Variants in TNS3 observed in about 807,000 individuals in gnomAD.
TNS3 encodes tensin 3, also known as tensin-3.
A neutral mutation model predicts 140.9 loss-of-function variants in TNS3; 45 were observed. The ratio of observed to expected loss-of-function variants is 0.32; its 90% CI spans 0.25 to 0.41. The LOEUF (loss-of-function observed/expected upper bound fraction) is 0.41, where lower values mean the gene tolerates loss of function less well. TNS3 is among the 10% of genes least tolerant of loss of function. TNS3 has a pLI of 1.00. For synonymous variants in TNS3, 815 were observed against 788.4 expected, an observed-to-expected ratio of 1.03 and a Z score of -0.56; for missense variants, 1,716 against 1,906.7, an observed-to-expected ratio of 0.90 and a Z score of 1.86.
At chr7:47,550,554 G>A (rs1189053577) in intron 1 of TNS3, among the ~76,000 whole-genome samples, 1 of 152,172 alleles carries the variant, frequency 6.6e-6, no homozygotes, top group Non-Finnish European at 1.5e-5. Context: ...ATTTGCAGCA[G>A]GGTCTCAATG....
chr7:47,413,797 G>T, intron 12 of TNS3, 140 bp downstream of exon 12: 2 of 1,025,258 alleles, frequency 2.0e-6, no homozygotes, highest in Admixed American at 2.3e-5. Context: ...TTTCCCCACT[G>T]GACTCTTCTT....
At chr7:47,281,369 A>C (rs998341930) in intron 28 of TNS3, among the ~76,000 whole-genome samples, 16 of 151,704 alleles carry the variant, frequency 1.1e-4, no homozygotes, top group Admixed American at 1.0e-3. Context: ...CCAACTCAAC[A>C]CTCTGCTGTG....
intron 6 of TNS3, among the ~76,000 whole-genome samples, chr7:47,438,850 G>C (rs1270704678): frequency 6.6e-6 from 1 of 152,178 alleles, no homozygotes; most frequent in Non-Finnish European, 1.5e-5. Context: ...CAGGTAGAGA[G>C]AGGGTGCCAG....
At chr7:47,480,079 G>A (rs775167524) in intron 4 of TNS3, among the ~76,000 whole-genome samples, 1 of 152,198 alleles carries the variant, frequency 6.6e-6, no homozygotes, top group African/African-American at 2.4e-5. Flanking sequence ...GCCGCTGGCC[G>A]AGCCTGGGGA....
chr7:47,446,401 G>A (rs1795733682), intron 4 of TNS3, among the ~76,000 whole-genome samples: 1 of 152,188 alleles, frequency 6.6e-6, no homozygotes, highest in African/African-American at 2.4e-5. Context: ...TATCGCCAAT[G>A]TCAATCAAAT....
At chr7:47,389,104 G>GGAAGAA (rs1792327151) in intron 16 of TNS3, among the ~76,000 whole-genome samples, 1 of 29,980 alleles carries the variant, frequency 3.3e-5, no homozygotes, top group East Asian at 1.7e-3. Flanking sequence ...AAGAGGAAGC[G>GGAAGAA]GAAGCAGAAG....
intron 20 of TNS3, among the ~76,000 whole-genome samples, chr7:47,312,188 G>A (rs1044795985): frequency 9.2e-5 from 14 of 152,330 alleles, no homozygotes; most frequent in African/African-American, 3.4e-4. Flanking sequence ...CCATAGAGCA[G>A]ATGCAGTTGT....
Position 47,503,496 on chromosome 7 carries a change from A to C in TNS3, c.-115+3411T>G, listed in dbSNP as rs1032430090. Among the ~76,000 whole-genome samples, 3 of 152,120 alleles carry C rather than the reference A, an allele frequency of 2.0e-5. No homozygotes were observed. The East Asian group carries it at 5.8e-4, about 29-fold the overall frequency. On this transcript the variant is annotated intron_variant, in intron 3 of 30. Transcript: ENST00000311160. ...GCAAGTCATGATGCCCACACAGCTC[A>C]TGTGGCTCACATGAATAAGCACTGC...
chr7:47,567,880 G>A (rs11763932), intron 1 of TNS3, among the ~76,000 whole-genome samples: 86,986 of 151,890 alleles, frequency 0.57, 25,698 homozygotes, highest in Non-Finnish European at 0.65. Flanking sequence ...TACATCCCTC[G>A]TAGGTAACAT....
intron 17 of TNS3, among the ~76,000 whole-genome samples, chr7:47,349,766 C>G (rs984871098): frequency 6.6e-6 from 1 of 152,204 alleles, no homozygotes; most frequent in Non-Finnish European, 1.5e-5. Context: ...GTTTAAGATA[C>G]TGCAAAACCA....
chr7:47,528,080 C>T (rs1277834179), intron 2 of TNS3, among the ~76,000 whole-genome samples: 2 of 152,146 alleles, frequency 1.3e-5, no homozygotes, highest in Non-Finnish European at 2.9e-5. Flanking sequence ...ACTCATCCAA[C>T]ACATTCTTCA....
Position 47,302,952 on chromosome 7 carries a change from G to C in TNS3, c.3455C>G (p.Pro1152Arg), listed in dbSNP as rs1310499192. ...CAACCAGCTGGAAACACACCTACCT[G>C]GCAGAGGTGAGGCCGCTTCTGAAGC... Reference protein sequence around the residue: ...SKASEAASPLPDSPGDKLVIV... With the variant: ...SKASEAASPLRDSPGDKLVIV... The change falls in exon 22 of 31, where the codon CCA becomes CGA. Residue 1152 changes from proline to arginine, a missense_variant and splice_region_variant. By Grantham distance (103) the Pro-to-Arg change is moderately radical. Transcript: ENST00000311160. The C allele has an allele frequency of 6.3e-7, 1 of 1,598,568 alleles. No homozygotes were observed. Among genetic ancestry groups the C allele is most frequent in the East Asian group, 2.2e-5 (1 of 44,634 alleles).
intron 4 of TNS3, among the ~76,000 whole-genome samples, chr7:47,452,170 T>G (rs560754416): frequency 6.6e-6 from 1 of 152,220 alleles, no homozygotes; most frequent in Non-Finnish European, 1.5e-5. Flanking sequence ...GCCCTGGAAA[T>G]GCACTTTATC....
At chr7:47,290,691 G>C (rs866497501) in intron 27 of TNS3, among the ~76,000 whole-genome samples, 1 of 152,328 alleles carries the variant, frequency 6.6e-6, no homozygotes, top group South Asian at 2.1e-4. Context: ...ACCAAATTCT[G>C]GAGAGGATGT....
intron 2 of TNS3, among the ~76,000 whole-genome samples, chr7:47,510,275 CAGA>C (rs966842836): frequency 6.6e-6 from 1 of 152,146 alleles, no homozygotes; most frequent in African/African-American, 2.4e-5. Context: ...GGCTGCAAAA[CAGA>C]AGAAGAACTT....
At chr7:47,391,803 C>G (rs1792534219) in intron 16 of TNS3, among the ~76,000 whole-genome samples, 1 of 152,168 alleles carries the variant, frequency 6.6e-6, no homozygotes, top group African/African-American at 2.4e-5. Flanking sequence ...GAAATCCCCC[C>G]ACCCACAGCC....
intron 2 of TNS3, among the ~76,000 whole-genome samples, chr7:47,507,782 T>A (rs1397553256): frequency 1.3e-5 from 2 of 152,110 alleles, no homozygotes; most frequent in Non-Finnish European, 1.5e-5. Context: ...CAACACAGCC[T>A]CCTGTGCCAG....
chr7:47,368,056 G>C (rs904664365), intron 17 of TNS3, among the ~76,000 whole-genome samples: 1 of 152,176 alleles, frequency 6.6e-6, no homozygotes. Context: ...TCACTGTTAA[G>C]CCCATTCTGC....
chr7:47,485,275 T>C (rs917373992), intron 3 of TNS3, among the ~76,000 whole-genome samples: 2 of 152,238 alleles, frequency 1.3e-5, no homozygotes, highest in Non-Finnish European at 2.9e-5. Context: ...TCATCCAATG[T>C]GTGGACTCGA....
Sources: gnomAD v4.1 joint callset for allele counts (sites outside exome capture counted in the v4.1 genomes callset) on GRCh38, gnomAD v4.1.1 for gene constraint, MANE v1.5 for transcripts, NCBI Gene and HGNC (gene_info 2026-07-23, HGNC 2026-07-21) for gene names.